Variants in MACROD2 observed in about 807,000 individuals in gnomAD.
The protein encoded by MACROD2 is mono-ADP ribosylhydrolase 2.
A neutral mutation model predicts 70.4 loss-of-function variants in MACROD2; 36 were observed. The ratio of observed to expected loss-of-function variants is 0.51; its 90% confidence interval spans 0.39 to 0.68. The LOEUF is 0.68. Among genes scored for constraint, MACROD2 ranks in the 30% least tolerant of loss-of-function variants. The probability of loss-of-function intolerance (pLI) is 0.00; values close to 1 mark genes in which losing one functional copy is unlikely to be tolerated. For missense variants in MACROD2, 496 were observed against 538.4 expected, an observed-to-expected ratio of 0.92 and a Z score of 0.78; for synonymous variants, 172 against 178.8, an observed-to-expected ratio of 0.96 and a Z score of 0.30.
intron 5 of MACROD2, among the ~76,000 whole-genome samples, chr20:14,743,909 A>AC (rs1421552335): frequency 2.0e-5 from 3 of 152,150 alleles, no homozygotes; most frequent in Non-Finnish European, 4.4e-5. Context: ...AGAGGGTGAT[A>AC]AGCTGATGGG....
chr20:14,851,393 G>C (rs998703874), intron 5 of MACROD2, among the ~76,000 whole-genome samples: 2 of 152,146 alleles, frequency 1.3e-5, no homozygotes, highest in Non-Finnish European at 2.9e-5. Flanking sequence ...GGTTTCAAGA[G>C]CATCAGGAAG....
intron 5 of MACROD2, among the ~76,000 whole-genome samples, chr20:15,083,430 C>T (rs78408349): frequency 0.057 from 8,689 of 152,156 alleles, 850 homozygotes; most frequent in African/African-American, 0.2. Flanking sequence ...TAATTAATTA[C>T]GCCTAAAAGT....
chr20:15,731,945 G>A lies in MACROD2; in HGVS notation c.646-130800G>A, dbSNP rs1171032262. On this transcript the variant is annotated intron_variant, in intron 8 of 17. Transcript: ENST00000684519. ...TATTTTTTGTATTTTTAGTAGAGACGGGGTTTCACCATGTTGGCCAGGCTG... is the reference window on the plus strand; with the variant it reads ...TATTTTTTGTATTTTTAGTAGAGACAGGGTTTCACCATGTTGGCCAGGCTG... Among the ~76,000 whole-genome samples, 3 of 58,526 alleles carry A rather than the reference G, an allele frequency of 5.1e-5. 1 individual carries two copies. The East Asian group carries it at 8.3e-4, about 16-fold the overall frequency. The allele number at this position is 58,526 out of a possible 152,430, so 38.4% of individuals were successfully genotyped here. A position where few individuals can be genotyped will look rare whatever the true frequency, so the allele number is the denominator to read the frequency against.
At chr20:14,055,265 T>C (rs1346823712) in intron 2 of MACROD2, among the ~76,000 whole-genome samples, 1 of 152,184 alleles carries the variant, frequency 6.6e-6, no homozygotes, top group Non-Finnish European at 1.5e-5. Flanking sequence ...ATTGGCGTTC[T>C]TTATAGTTTT....
intron 7 of MACROD2, among the ~76,000 whole-genome samples, chr20:15,467,977 A>C (rs1327549630): frequency 6.6e-6 from 1 of 152,226 alleles, no homozygotes; most frequent in African/African-American, 2.4e-5. Context: ...AGCTTCTACC[A>C]TGATGCCAGT....
At chr20:14,412,112 G>A (rs533117438) in intron 3 of MACROD2, among the ~76,000 whole-genome samples, 1 of 152,076 alleles carries the variant, frequency 6.6e-6, no homozygotes, top group African/African-American at 2.4e-5. Context: ...ATTGCATCCA[G>A]CTTCTAAAAT....
At chr20:16,019,685 T>C (rs2066976304) in intron 15 of MACROD2, among the ~76,000 whole-genome samples, 1 of 152,226 alleles carries the variant, frequency 6.6e-6, no homozygotes, top group Admixed American at 6.5e-5. Flanking sequence ...CATCACCTGG[T>C]AATTTGTTAG....
At chr20:14,922,639 G>A (rs1428001278) in intron 5 of MACROD2, among the ~76,000 whole-genome samples, 1 of 152,094 alleles carries the variant, frequency 6.6e-6, no homozygotes, top group Non-Finnish European at 1.5e-5. Flanking sequence ...CCTTGACAAG[G>A]CACTGGTATC....
intron 8 of MACROD2, among the ~76,000 whole-genome samples, chr20:15,859,440 T>G (rs1401893010): frequency 6.6e-6 from 1 of 152,162 alleles, no homozygotes; most frequent in Non-Finnish European, 1.5e-5. Context: ...AGCTGTGGGA[T>G]GGAAAGCGCA....
At chr20:14,061,539 G>A (rs979250650) in intron 2 of MACROD2, among the ~76,000 whole-genome samples, 5 of 152,082 alleles carry the variant, frequency 3.3e-5, no homozygotes, top group African/African-American at 1.2e-4. Flanking sequence ...GGTTGCGAGG[G>A]TGCTGGCCCA....
intron 5 of MACROD2, among the ~76,000 whole-genome samples, chr20:15,147,895 T>C (rs944992262): frequency 6.6e-6 from 1 of 151,930 alleles, no homozygotes; most frequent in Non-Finnish European, 1.5e-5. Context: ...GGTCACAAGG[T>C]GCTCAGTAGG....
Position 15,197,212 on chromosome 20 carries a change from A to G in MACROD2, c.419-32728A>G, listed in dbSNP as rs188151139. ...GTTAACCATGAAGGGCTTTTTGCTC[A>G]AAGTTTGGTTTCAATGTTCATCATA... On this transcript the variant is annotated intron_variant, in intron 5 of 17. Transcript: ENST00000684519. Among the ~76,000 whole-genome samples the G allele has an allele frequency of 5.1e-3, 770 of 152,234 alleles. 4 individuals carry two copies. Among genetic ancestry groups the G allele is most frequent in the Middle Eastern group, 0.024 (7 of 294 alleles).
At chr20:14,775,281 T>G (rs2072219099) in intron 5 of MACROD2, among the ~76,000 whole-genome samples, 1 of 152,082 alleles carries the variant, frequency 6.6e-6, no homozygotes, top group South Asian at 2.1e-4. Flanking sequence ...CCATTTGTCT[T>G]GCTGTAAAGG....
At chr20:15,054,770 C>T (rs915898451) in intron 5 of MACROD2, among the ~76,000 whole-genome samples, 12 of 151,994 alleles carry the variant, frequency 7.9e-5, no homozygotes, top group African/African-American at 2.9e-4. Context: ...CCTTAGCTTA[C>T]CTATACCCAC....
intron 3 of MACROD2, among the ~76,000 whole-genome samples, chr20:14,097,120 T>A (rs1352528466): frequency 6.6e-6 from 1 of 152,240 alleles, no homozygotes. Context: ...AGGTGTGTAC[T>A]GTAATTTAAG....
chr20:15,153,005 G>A (rs949716355), intron 5 of MACROD2, among the ~76,000 whole-genome samples: 7 of 152,242 alleles, frequency 4.6e-5, no homozygotes, highest in Middle Eastern at 3.4e-3. Context: ...GCCGCTTACC[G>A]GATTTGAAAT....
At chr20:14,447,976 ATGTGTGTGTGTGTG>A (rs11087090) in intron 3 of MACROD2, among the ~76,000 whole-genome samples, 2 of 143,132 alleles carry the variant, frequency 1.4e-5, no homozygotes, top group South Asian at 2.4e-4. Flanking sequence ...ACCCATGAAA[ATGTGTGTGTGTGTG>A]TGTGTGTGTG....
chr20:15,972,169 A>C (rs935756077), intron 13 of MACROD2, among the ~76,000 whole-genome samples: 1 of 151,906 alleles, frequency 6.6e-6, no homozygotes, highest in Non-Finnish European at 1.5e-5. Flanking sequence ...AAGCTATCCA[A>C]ATGAAAACAG....
intron 8 of MACROD2, among the ~76,000 whole-genome samples, chr20:15,854,800 C>G (rs962101438): frequency 2.6e-5 from 4 of 152,166 alleles, no homozygotes; most frequent in African/African-American, 9.7e-5. Context: ...ACTCTGAGTA[C>G]TGGGGAAACT....
Sources: gnomAD v4.1 joint callset for allele counts (sites outside exome capture counted in the v4.1 genomes callset) on GRCh38, gnomAD v4.1.1 for gene constraint, MANE v1.5 for transcripts, NCBI Gene and HGNC (gene_info 2026-07-23, HGNC 2026-07-21) for gene names.